The following NKAIN1 variants were observed in gnomAD, a reference collection of about 807,000 sequenced individuals.
NKAIN1 encodes the protein sodium/potassium-transporting ATPase subunit beta-1-interacting protein 1.
Under a neutral mutation model 31.6 loss-of-function variants are expected in NKAIN1, and 13 were observed. The observed-to-expected ratio is 0.41, with a 90% CI of 0.27 to 0.65. NKAIN1 has a LOEUF of 0.65. Ranked by LOEUF, NKAIN1 falls within the 30% of genes least tolerant of loss-of-function variation. The pLI is 0.30. For missense variants in NKAIN1, 193 were observed against 262.2 expected (o/e 0.74, Z 1.82); for synonymous variants, 104 against 109.0 (o/e 0.95, Z 0.28).
chr1:31,201,632 A>T (rs1378082656), intron 1 of NKAIN1, among the ~76,000 whole-genome samples: 2 of 152,100 alleles, frequency 1.3e-5, no homozygotes, highest in African/African-American at 2.4e-5. Flanking sequence ...AAGTGCAGGG[A>T]TTACAGGCGT....
At chr1:31,203,394 T>C (rs1557655087) in intron 1 of NKAIN1, among the ~76,000 whole-genome samples, 1 of 146,838 alleles carries the variant, frequency 6.8e-6, no homozygotes, top group South Asian at 2.2e-4. Context: ...TGATGGAGTG[T>C]GGGAAGAGGG....
intron 4 of NKAIN1, among the ~76,000 whole-genome samples, chr1:31,183,574 G>T (rs1456530124): frequency 6.6e-6 from 1 of 150,660 alleles, no homozygotes; most frequent in Non-Finnish European, 1.5e-5. Flanking sequence ...TCAGCCTCCT[G>T]AGTAGCTGGG....
At chr1:31,202,750 G>A (rs1366317712) in intron 1 of NKAIN1, among the ~76,000 whole-genome samples, 5 of 151,440 alleles carry the variant, frequency 3.3e-5, no homozygotes, top group African/African-American at 4.9e-5. Context: ...AGGCCAAGGT[G>A]GGCGGATCAC....
Position 31,212,553 on chromosome 1 carries a change from C to T in NKAIN1, c.55-24366G>A, listed in dbSNP as rs556193243. ...TAGAGTGGCTGGGGCCGCAGGCACA[C>T]ACCACCAAACCCGGCTACTTTTTGG... is the stretch of plus-strand genomic sequence containing the variant. On this transcript the variant is annotated intron_variant, in intron 1 of 6. Coordinates refer to ENST00000373736, the MANE Select transcript of NKAIN1 (RefSeq NM_024522.3). Among the ~76,000 whole-genome samples the T allele has an allele frequency of 8.5e-5, 13 of 152,210 alleles. No homozygotes were observed. The South Asian group carries it at 2.3e-3, about 27-fold the overall frequency.
chr1:31,200,208 C>G (rs573067055), intron 1 of NKAIN1, among the ~76,000 whole-genome samples: 1 of 152,352 alleles, frequency 6.6e-6, no homozygotes, highest in East Asian at 1.9e-4. Context: ...ACGGCCATCA[C>G]TGTTAGGTGA....
intron 3 of NKAIN1, among the ~76,000 whole-genome samples, chr1:31,184,382 T>C (rs933770227): frequency 2.0e-5 from 3 of 152,130 alleles, no homozygotes; most frequent in African/African-American, 7.2e-5. Context: ...GTCTCCACAT[T>C]TGTTAAATGG....
At chr1:31,182,024 A>G in intron 5 of NKAIN1, 83 bp from the exon 6 acceptor site, 4 of 1,340,440 alleles carry the variant, frequency 3.0e-6, no homozygotes, top group Non-Finnish European at 3.1e-6. Flanking sequence ...GAAGAATCTG[A>G]GGGCAGGACT....
chr1:31,224,197 C>G (rs1645584748), intron 1 of NKAIN1, among the ~76,000 whole-genome samples: 1 of 152,190 alleles, frequency 6.6e-6, no homozygotes, highest in Non-Finnish European at 1.5e-5. Flanking sequence ...CAGCCCCCTT[C>G]CCTCCCTCTG....
intron 1 of NKAIN1, among the ~76,000 whole-genome samples, chr1:31,228,812 T>G (rs1245844329): frequency 2.0e-5 from 3 of 151,810 alleles, no homozygotes; most frequent in Non-Finnish European, 4.4e-5. Context: ...CCCAGGCTGG[T>G]CTTGAACTCC....
chr1:31,190,876 T>C (rs998305249), intron 1 of NKAIN1, among the ~76,000 whole-genome samples: 4 of 152,194 alleles, frequency 2.6e-5, no homozygotes, highest in East Asian at 3.9e-4. Context: ...GGGGTCCAGC[T>C]TGATGTTCTT....
intron 1 of NKAIN1, among the ~76,000 whole-genome samples, chr1:31,218,330 G>T (rs1369112617): frequency 6.6e-6 from 1 of 152,030 alleles, no homozygotes; most frequent in Non-Finnish European, 1.5e-5. Flanking sequence ...CCAAAGTGCT[G>T]GGATTACAGG....
intron 1 of NKAIN1, among the ~76,000 whole-genome samples, chr1:31,221,637 T>C (rs1645565962): frequency 6.6e-6 from 1 of 152,030 alleles, no homozygotes; most frequent in South Asian, 2.1e-4. Context: ...GGTTTCACCA[T>C]GTTGGCCAAG....
At chr1:31,228,938 G>T (rs780340857) in intron 1 of NKAIN1, among the ~76,000 whole-genome samples, 3 of 152,042 alleles carry the variant, frequency 2.0e-5, no homozygotes, top group Non-Finnish European at 4.4e-5. Context: ...TCACCACCTG[G>T]TTATCAGCCC....
chr1:31,219,953 A>G (rs191393976), intron 1 of NKAIN1, among the ~76,000 whole-genome samples: 16 of 151,030 alleles, frequency 1.1e-4, no homozygotes, highest in Admixed American at 2.6e-4. Flanking sequence ...TGCACAGGCT[A>G]TTCAACTCCA....
At chr1:31,197,307 T>G (rs1645335784) in intron 1 of NKAIN1, among the ~76,000 whole-genome samples, 1 of 151,760 alleles carries the variant, frequency 6.6e-6, no homozygotes. Flanking sequence ...GAGACGGGGT[T>G]TCATCGTGTT....
rs1432032394 is a variant in NKAIN1 at position 31,188,324 on chromosome 1, C to A, written c.55-137G>T. On this transcript the variant is annotated intron_variant, in intron 1 of 6. Transcript: ENST00000373736. ...AGCCTCAGAACAATCCAGTCCTTCA[C>A]TACCAAAGGGATGCTGGGGGGTCCT... 3 of 921,580 alleles carry A rather than the reference C, an allele frequency of 3.3e-6. No homozygotes were observed. The East Asian group carries it at 7.9e-5, about 24-fold the overall frequency. 57.1% of individuals were successfully genotyped at this position (921,580 alleles called of 1,614,324 possible). A position where few individuals can be genotyped will look rare whatever the true frequency, so the allele number is the denominator to read the frequency against.
chr1:31,206,394 G>A (rs1645424837), intron 1 of NKAIN1, among the ~76,000 whole-genome samples: 1 of 151,540 alleles, frequency 6.6e-6, no homozygotes, highest in Non-Finnish European at 1.5e-5. Flanking sequence ...ATAGTAGTAT[G>A]TGGTTTTTAT....
intron 1 of NKAIN1, among the ~76,000 whole-genome samples, chr1:31,217,081 G>C (rs935979126): frequency 3.3e-5 from 5 of 152,202 alleles, no homozygotes; most frequent in African/African-American, 1.2e-4. Context: ...GGCCAGGCTG[G>C]TCTTGAACTC....
At chr1:31,228,558 G>T (rs549292880) in intron 1 of NKAIN1, among the ~76,000 whole-genome samples, 1 of 152,200 alleles carries the variant, frequency 6.6e-6, no homozygotes, top group African/African-American at 2.4e-5. Flanking sequence ...AGGGATCTGG[G>T]TCATCACTAG....
Sources: gnomAD v4.1 joint callset for allele counts (sites outside exome capture counted in the v4.1 genomes callset) on GRCh38, gnomAD v4.1.1 for gene constraint, MANE v1.5 for transcripts, NCBI Gene and HGNC (gene_info 2026-07-23, HGNC 2026-07-21) for gene names.